CARS1: variants seen among roughly 807,000 people sequenced by gnomAD.
CARS1 encodes the protein cysteine--tRNA ligase, cytoplasmic.
In CARS1, 48 loss-of-function variants were observed where a neutral mutation model predicts 106.2. The ratio of observed to expected loss-of-function variants is 0.45; its 90% CI spans 0.36 to 0.57. The LOEUF (loss-of-function observed/expected upper bound fraction) is 0.57, where lower values mean the gene tolerates loss of function less well. CARS1 is among the 20% of genes least tolerant of loss of function. The pLI is 0.00. For synonymous variants in CARS1, 409 were observed against 403.4 expected (o/e 1.01, Z -0.17); for missense variants, 968 against 1,057.2 (o/e 0.92, Z 1.17).
At position 3,001,016 on chromosome 11, in the gene CARS1, G is replaced by A; in HGVS notation, c.*98C>T. The A allele has an allele frequency of 7.3e-7, 1 of 1,365,710 alleles. No homozygotes were observed. The highest frequency in any genetic ancestry group is 1.8e-5 in the Admixed American group (1 of 56,156). 84.6% of individuals were successfully genotyped at this position (1,365,710 alleles called of 1,614,324 possible). A position where few individuals can be genotyped will look rare whatever the true frequency, so the allele number is the denominator to read the frequency against. The stretch of plus-strand genomic sequence containing the variant: ...ACACAACTCTTAATTTAGGACCCAA[G>A]GGTGACTGTAAACATGATAGGAGCG... On this transcript the variant is annotated 3_prime_UTR_variant, in exon 23 of 23. Coordinates refer to ENST00000380525, the MANE Select transcript of CARS1 (RefSeq NM_001014437.3).
chr11:3,027,730 T>A (rs1163417345), intron 9 of CARS1: 6 of 421,818 alleles, frequency 1.4e-5, no homozygotes, highest in African/African-American at 8.1e-5. Flanking sequence ...CCTCCTGTTA[T>A]GCCCGGACAC....
intron 10 of CARS1, among the ~76,000 whole-genome samples, chr11:3,025,598 T>C (rs1273686747): frequency 2.6e-5 from 4 of 152,232 alleles, no homozygotes; most frequent in African/African-American, 4.8e-5. Flanking sequence ...TATGGCCAAA[T>C]TGTCTTCCAG....
intron 18 of CARS1, among the ~76,000 whole-genome samples, chr11:3,011,410 C>T (rs1364560276): frequency 6.6e-6 from 1 of 150,740 alleles, no homozygotes; most frequent in South Asian, 2.1e-4. Flanking sequence ...TCGAGACCAT[C>T]CTGGCCAACA....
intron 17 of CARS1, among the ~76,000 whole-genome samples, 169 bp from the exon 18 acceptor site, chr11:3,012,445 C>T (rs931389421): frequency 6.6e-6 from 1 of 152,250 alleles, no homozygotes; most frequent in Admixed American, 6.5e-5. Context: ...TCGTCCCTGA[C>T]ACACAGTCCC....
At position 3,045,421 on chromosome 11, in the gene CARS1, C is replaced by A. The variant is rs910735227; in HGVS notation, c.274+2332G>T. 6.6e-6 allele frequency among the ~76,000 whole-genome samples: 1 copy of A among 152,140 alleles called. No individual in the cohort carries two copies. Among genetic ancestry groups the A allele is most frequent in the African/African-American group, 2.4e-5 (1 of 41,434 alleles). On this transcript the variant is annotated intron_variant, in intron 2 of 22. Transcript: ENST00000380525. This position sits in a 1 kb window ranked among gnomAD's most constrained non-coding sequence, Gnocchi z 5.6. Reference sequence around the variant, plus strand: ...CTGGGACTATAGGCACCCGCCATCACGCCCGGCTAATTTTTTGTATTTTTA... The same window carrying A: ...CTGGGACTATAGGCACCCGCCATCAAGCCCGGCTAATTTTTTGTATTTTTA...
At chr11:3,033,640 T>C (rs887761013) in intron 7 of CARS1, among the ~76,000 whole-genome samples, 3 of 152,134 alleles carry the variant, frequency 2.0e-5, no homozygotes, top group African/African-American at 7.2e-5. Flanking sequence ...GCTAAACTGC[T>C]AAATGAGACA....
chr11:3,057,414 A>G lies in CARS1; in HGVS notation c.-47T>C. 1 of 1,577,942 alleles carries G rather than the reference A, an allele frequency of 6.3e-7. No individual in the cohort carries two copies. The highest frequency in any genetic ancestry group is 1.3e-5 in the African/African-American group (1 of 74,288). On this transcript the variant is annotated 5_prime_UTR_variant, in exon 1 of 23. Transcript: ENST00000380525. ...AGCTGCGGCTACAGACACTTCCTAG[A>G]ATCTGATGCAACCGCCGCCCCGGAA...
rs1385187215 is a variant in CARS1 at position 3,034,869 on chromosome 11, T to C, written c.801+3181A>G. 6.6e-6 allele frequency among the ~76,000 whole-genome samples: 1 copy of C among 152,158 alleles called. No homozygotes were observed. The highest frequency in any genetic ancestry group is 1.5e-5 in the Non-Finnish European group (1 of 68,024). On this transcript the variant is annotated intron_variant, in intron 7 of 22. Transcript: ENST00000380525. This position sits in a 1 kb window ranked among gnomAD's most constrained non-coding sequence, Gnocchi z 6.3. ...TAATTTTTAAATAAAATTTATTTCT[T>C]ACAATTCTGTAGGCTGGAAAGTTCA... is the stretch of plus-strand genomic sequence containing the variant.
In CARS1 at chr11:3,048,224, T is replaced by C. The variant is rs1159054570; in HGVS notation, c.26-223A>G. ...TATGGATGGGTTCCCTCTTGGGTGA[T>C]GAAAATGCTTTGGAACTAGACAGAA... is the stretch of plus-strand genomic sequence containing the variant. On this transcript the variant is annotated intron_variant, in intron 1 of 22. Transcript: ENST00000380525. This position sits in a 1 kb window ranked among gnomAD's most constrained non-coding sequence, Gnocchi z 5.1. 3.9e-6 allele frequency: 2 copies of C among 514,000 alleles called. No homozygotes were observed. Among genetic ancestry groups the C allele is most frequent in the African/African-American group, 1.9e-5 (1 of 52,726 alleles). The allele number at this position is 514,000 out of a possible 1,614,324, so 31.8% of individuals were successfully genotyped here.
At chr11:3,056,925 G>T (rs1856265079) in intron 1 of CARS1, among the ~76,000 whole-genome samples, 1 of 152,200 alleles carries the variant, frequency 6.6e-6, no homozygotes, top group South Asian at 2.1e-4. Flanking sequence ...CCCCGCTCGG[G>T]CTCGGGTCCC....
At chr11:3,011,279 G>GT (rs1246741911) in intron 18 of CARS1, among the ~76,000 whole-genome samples, 1 of 152,212 alleles carries the variant, frequency 6.6e-6, no homozygotes, top group Non-Finnish European at 1.5e-5. Context: ...CACTTTCTAA[G>GT]TCTTAAACCA....
intron 17 of CARS1, among the ~76,000 whole-genome samples, chr11:3,013,515 C>T (rs776622719): frequency 6.6e-6 from 1 of 152,154 alleles, no homozygotes; most frequent in Non-Finnish European, 1.5e-5. Flanking sequence ...TTGCTCCCTG[C>T]CCCTTAGCTG....
chr11:3,013,777 C>G (rs909366867), intron 17 of CARS1, among the ~76,000 whole-genome samples: 1 of 152,088 alleles, frequency 6.6e-6, no homozygotes, highest in African/African-American at 2.4e-5. Context: ...CACTTGAACT[C>G]GGGAGGCAGA....
At chr11:3,047,595 C>T (rs887798334) in intron 2 of CARS1, among the ~76,000 whole-genome samples, 158 bp downstream of exon 2, 1 of 152,220 alleles carries the variant, frequency 6.6e-6, no homozygotes, top group Non-Finnish European at 1.5e-5. Context: ...ATCCAGCAAG[C>T]GCTGCATCTG....
intron 9 of CARS1, 81 bp from the exon 10 acceptor site, chr11:3,026,878 G>A (rs1852137358): frequency 6.6e-7 from 1 of 1,516,136 alleles, no homozygotes; most frequent in Admixed American, 1.8e-5. Context: ...ACAAAATAAA[G>A]CAGGGCTATA....
chr11:3,002,024 G>A lies in CARS1; in HGVS notation c.2307C>T (p.Pro769=), dbSNP rs1849442015. The part of the protein sequence containing the change: ...EAAKLAKMKI[P]PSEMFLSETD... ...TTTCTGACAAGAACATCTCACTGGG[G>A]GGAATCTTCATCTTGGCCAGCTTTG... Residue 769 remains proline (P), a synonymous_variant, in exon 22 of 23, where the codon CCC becomes CCT. Transcript: ENST00000380525. The A allele has an allele frequency of 1.2e-6, 2 of 1,613,782 alleles. No individual in the cohort carries two copies. The highest frequency in any genetic ancestry group is 1.3e-5 in the African/African-American group (1 of 75,050).
chr11:3,002,055 T>C lies in CARS1; in HGVS notation c.2278-2A>G. The C allele has an allele frequency of 6.2e-7, 1 of 1,608,802 alleles. No homozygotes were observed. Among genetic ancestry groups the C allele is most frequent in the Non-Finnish European group, 8.5e-7 (1 of 1,175,374 alleles). On this transcript the variant is annotated splice_acceptor_variant, in intron 21 of 22. Transcript: ENST00000380525. LOFTEE classifies it high-confidence loss of function. The stretch of plus-strand genomic sequence containing the variant: ...CTTCATCTTGGCCAGCTTTGCTGCC[T>C]AGAACACGCAACACGGCACAGTCAC...
At position 3,047,833 on chromosome 11, in the gene CARS1, T is replaced by C; in HGVS notation, c.194A>G (p.His65Arg). ...TATGTGCCTGAACCACCGAGCCACG[T>C]GGAAGAGCTGGGGGTCAGCGGGCGG... is the stretch of plus-strand genomic sequence containing the variant. ...SAPPADPQLF[H>R]VARWFRHIEA... The change falls in exon 2 of 23, where the codon CAC becomes CGC. Residue 65 changes from histidine (H) to arginine (R), a missense_variant. Coordinates refer to ENST00000380525, the MANE Select transcript of CARS1 (RefSeq NM_001014437.3). 2.5e-6 allele frequency: 4 copies of C among 1,612,974 alleles called. No homozygotes were observed. The highest frequency in any genetic ancestry group is 3.4e-6 in the Non-Finnish European group (4 of 1,179,636).
Position 3,050,780 on chromosome 11 carries a change from G to A in CARS1, c.26-2779C>T, listed in dbSNP as rs895656028. ...ATCCTTCACAGCTCTGCTAGGTGCC[G>A]GCTTCCCCACCAGGTCTTCAAGGAC... is the stretch of plus-strand genomic sequence containing the variant. On this transcript the variant is annotated intron_variant, in intron 1 of 22. Coordinates refer to ENST00000380525, the MANE Select transcript of CARS1 (RefSeq NM_001014437.3). The surrounding 1 kb of genome is among the most constrained non-coding windows in gnomAD (Gnocchi z 6.3). Among the ~76,000 whole-genome samples, 11 of 152,236 alleles carry A rather than the reference G, an allele frequency of 7.2e-5. No individual in the cohort carries two copies. In the East Asian group the frequency reaches 7.7e-4, roughly 11 times the overall value.
Sources: gnomAD v4.1 joint callset for allele counts (sites outside exome capture counted in the v4.1 genomes callset) on GRCh38, gnomAD v4.1.1 for gene constraint, Gnocchi (gnomAD v3.1) non-coding constraint, MANE v1.5 for transcripts, NCBI Gene and HGNC (gene_info 2026-07-23, HGNC 2026-07-21) for gene names.